Variants in BBS7 observed in about 807,000 individuals in gnomAD.
BBS7 encodes Bardet-Biedl syndrome 7, also known as BBSome complex member BBS7.
A neutral mutation model predicts 90.3 loss-of-function variants in BBS7; 50 were observed. The ratio of observed to expected loss-of-function variants is 0.55; its 90% confidence interval spans 0.44 to 0.70. BBS7 has a LOEUF of 0.70. Among genes scored for constraint, BBS7 ranks in the 30% least tolerant of loss-of-function variants. BBS7 has a pLI of 0.00. For missense variants in BBS7, 729 were observed against 838.9 expected, an observed-to-expected ratio of 0.87 and a Z score of 1.62; for synonymous variants, 235 against 287.4, an observed-to-expected ratio of 0.82 and a Z score of 1.85.
At chr4:121,866,833 G>C (rs1345324232) in intron 2 of BBS7, among the ~76,000 whole-genome samples, 2 of 152,074 alleles carry the variant, frequency 1.3e-5, no homozygotes, top group African/African-American at 4.8e-5. Flanking sequence ...GGTTACTACA[G>C]CTTTGTAGTA....
At position 121,825,302 on chromosome 4, in the gene BBS7, C is replaced by A. The variant is rs1724855963; in HGVS notation, c.*558G>T. 1 of 152,308 alleles carries A rather than the reference C, an allele frequency of 6.6e-6. No homozygotes were observed. The highest frequency in any genetic ancestry group is 2.1e-4 in the South Asian group (1 of 4,834). The allele number at this position is 152,308 out of a possible 1,614,324, so 9.4% of individuals were successfully genotyped here. Reference sequence around the variant, plus strand: ...AAAAACAATTGGTAGGTTATTTCCACTAGCTGGCAACATACATAGTAACCA... The same window carrying A: ...AAAAACAATTGGTAGGTTATTTCCAATAGCTGGCAACATACATAGTAACCA... On this transcript the variant is annotated 3_prime_UTR_variant, in exon 19 of 19. Coordinates refer to ENST00000264499, the MANE Select transcript of BBS7 (RefSeq NM_176824.3).
chr4:121,849,011 T>C lies in BBS7; in HGVS notation c.850-83A>G, dbSNP rs527880436. 5.8e-5 allele frequency: 59 copies of C among 1,018,442 alleles called. No homozygotes were observed. In the East Asian group the frequency reaches 1.3e-3, roughly 23 times the overall value. 63.1% of individuals were successfully genotyped at this position (1,018,442 alleles called of 1,614,324 possible). A position where few individuals can be genotyped will look rare whatever the true frequency, so the allele number is the denominator to read the frequency against. The stretch of plus-strand genomic sequence containing the variant: ...AAAATAAGCCACACAACGTTTTCCC[T>C]GGCTCCAGACATTCAACATATATTT... On this transcript the variant is annotated intron_variant, in intron 8 of 18. Transcript: ENST00000264499.
intron 4 of BBS7, among the ~76,000 whole-genome samples, chr4:121,860,244 T>G (rs1441364701): frequency 6.6e-6 from 1 of 152,098 alleles, no homozygotes; most frequent in Non-Finnish European, 1.5e-5. Context: ...ATCTGTATTA[T>G]ATTTGCATTA....
At chr4:121,858,270 T>C (rs923357457) in intron 5 of BBS7, among the ~76,000 whole-genome samples, 1 of 152,224 alleles carries the variant, frequency 6.6e-6, no homozygotes, top group African/African-American at 2.4e-5. Flanking sequence ...AGCTCAACTT[T>C]TTCATCAACT....
chr4:121,854,507 C>G (rs182957058), intron 7 of BBS7, among the ~76,000 whole-genome samples, 197 bp downstream of exon 7: 2 of 152,226 alleles, frequency 1.3e-5, no homozygotes, highest in Admixed American at 6.5e-5. Flanking sequence ...TACCAAATTA[C>G]TATCAGCATT....
At chr4:121,834,998 GA>G in intron 14 of BBS7, 145 bp downstream of exon 14, 1 of 770,538 alleles carries the variant, frequency 1.3e-6, no homozygotes, top group East Asian at 2.9e-5. Context: ...ATATTTATTG[GA>G]AATATTAAAT....
In BBS7 at chr4:121,825,645, TTG is replaced by T. The variant is rs1472439825; in HGVS notation, c.*213_*214del. On this transcript the variant is annotated 3_prime_UTR_variant, in exon 19 of 19. Transcript: ENST00000264499. ...TAAAATCCTATTTAAATCATTCTAC[TTG>T]TGTTTTAAAAATAAAAAGACTCTTT... The T allele has an allele frequency of 4.4e-6, 2 of 450,506 alleles. No individual in the cohort carries two copies. Among genetic ancestry groups the T allele is most frequent in the African/African-American group, 2.0e-5 (1 of 50,060 alleles). 27.9% of individuals were successfully genotyped at this position (450,506 alleles called of 1,614,324 possible).
chr4:121,838,773 T>C (rs1306289953), intron 13 of BBS7, among the ~76,000 whole-genome samples: 3 of 151,480 alleles, frequency 2.0e-5, no homozygotes, highest in Non-Finnish European at 4.4e-5. Context: ...TGGGCACCTG[T>C]AATCCCAGCT....
At chr4:121,843,115 A>G (rs899847351) in intron 12 of BBS7, among the ~76,000 whole-genome samples, 5 of 152,204 alleles carry the variant, frequency 3.3e-5, no homozygotes, top group African/African-American at 1.2e-4. Context: ...AATAATGTGC[A>G]TGGGAGGGGT....
chr4:121,828,782 TA>T, intron 15 of BBS7, 54 bp from the exon 16 acceptor site: 1 of 1,049,570 alleles, frequency 9.5e-7, no homozygotes, highest in Admixed American at 2.4e-5. Flanking sequence ...AATTGTCCAG[TA>T]CATATATATT....
chr4:121,831,136 T>A (rs1377931345), intron 15 of BBS7, among the ~76,000 whole-genome samples: 1 of 151,936 alleles, frequency 6.6e-6, no homozygotes, highest in Non-Finnish European at 1.5e-5. Flanking sequence ...ACCCAGGAGG[T>A]GGCGGTTGCA....
chr4:121,828,255 A>T lies in BBS7; in HGVS notation c.1905T>A (p.His635Gln). 1 of 1,613,370 alleles carries T rather than the reference A, an allele frequency of 6.2e-7. No homozygotes were observed. The highest frequency in any genetic ancestry group is 8.5e-7 in the Non-Finnish European group (1 of 1,179,444). ...GTATCAGAAAGTTCGTATTTCCCTC[A>T]TGAATCTGTAATTCCTATTTAAAAT... Reference protein sequence around the residue: ...LIDALKELQIHEGNTNFLIPE... With the variant: ...LIDALKELQIQEGNTNFLIPE... The change falls in exon 18 of 19, where the codon CAT (histidine) becomes CAA (glutamine). Residue 635 changes from histidine (H) to glutamine (Q), a missense_variant. By Grantham distance (24) the His-to-Gln change is conservative (BLOSUM62 0). Transcript: ENST00000264499.
In BBS7 at chr4:121,825,276, A is replaced by G. The variant is rs1724854674; in HGVS notation, c.*584T>C. The stretch of plus-strand genomic sequence containing the variant: ...GTTGCAAATCAATCCTATCTCCTAG[A>G]AAAAACAATTGGTAGGTTATTTCCA... On this transcript the variant is annotated 3_prime_UTR_variant, in exon 19 of 19. Transcript: ENST00000264499. 1 of 152,290 alleles carries G rather than the reference A, an allele frequency of 6.6e-6. No homozygotes were observed. Among genetic ancestry groups the G allele is most frequent in the Non-Finnish European group, 1.5e-5 (1 of 68,112 alleles). 9.4% of individuals were successfully genotyped at this position (152,290 alleles called of 1,614,324 possible).
chr4:121,836,368 T>C (rs1725449932), intron 13 of BBS7, among the ~76,000 whole-genome samples: 1 of 152,184 alleles, frequency 6.6e-6, no homozygotes, highest in Non-Finnish European at 1.5e-5. Context: ...TTATGCCTCC[T>C]CATATTGTAT....
intron 15 of BBS7, among the ~76,000 whole-genome samples, chr4:121,832,040 ACACAAAAC>A (rs1052100634): frequency 1.7e-4 from 26 of 150,982 alleles, no homozygotes; most frequent in Middle Eastern, 3.4e-3. Flanking sequence ...ACACACACAC[ACACAAAAC>A]AAACAACCTA....
intron 4 of BBS7, chr4:121,861,180 G>A (rs984089229): frequency 1.4e-5 from 3 of 215,994 alleles, no homozygotes; most frequent in Admixed American, 5.7e-5. Context: ...GATGCTACCT[G>A]AAAACCAGAA....
At chr4:121,833,975 G>C (rs1305785762) in intron 14 of BBS7, among the ~76,000 whole-genome samples, 6 of 151,906 alleles carry the variant, frequency 3.9e-5, no homozygotes, top group Non-Finnish European at 7.4e-5. Flanking sequence ...GACAGGCATG[G>C]GTTGTTCCAT....
At chr4:121,828,111 A>G in intron 18 of BBS7, 35 bp downstream of exon 18, 1 of 1,610,840 alleles carries the variant, frequency 6.2e-7, no homozygotes, top group Non-Finnish European at 8.5e-7. Context: ...AGTTGAAAAG[A>G]AATATGGCAA....
intron 5 of BBS7, 26 bp from the exon 6 acceptor site, chr4:121,855,587 A>C: frequency 6.3e-7 from 1 of 1,590,088 alleles, no homozygotes; most frequent in South Asian, 1.1e-5. Flanking sequence ...TTAAAAACTG[A>C]AACAGAATAC....
Sources: gnomAD v4.1 joint callset for allele counts (sites outside exome capture counted in the v4.1 genomes callset) on GRCh38, gnomAD v4.1.1 for gene constraint, MANE v1.5 for transcripts, NCBI Gene and HGNC (gene_info 2026-07-23, HGNC 2026-07-21) for gene names.